The following NARS2 variants were observed in gnomAD, a reference collection of about 807,000 sequenced individuals.
NARS2 encodes the protein asparaginyl-tRNA synthetase 2, mitochondrial, also known as asparaginyl-tRNA synthetase.
In NARS2, 60 loss-of-function variants were observed where a neutral mutation model predicts 62.9. That is an observed-to-expected ratio of 0.95 (90% CI 0.77 to 1.18). The LOEUF (loss-of-function observed/expected upper bound fraction) is 1.18, where lower values mean the gene tolerates loss of function less well. Ranked by LOEUF, NARS2 falls within the 50% of genes most tolerant of loss-of-function variation. The pLI, the probability that NARS2 is intolerant of heterozygous loss-of-function variation, is 0.00. For synonymous variants in NARS2, 196 were observed against 200.0 expected (o/e 0.98, Z 0.17); for missense variants, 619 against 576.4 (o/e 1.07, Z -0.76).
intron 9 of NARS2, among the ~76,000 whole-genome samples, chr11:78,473,883 C>G (rs1231956906): frequency 6.6e-6 from 1 of 152,116 alleles, no homozygotes; most frequent in East Asian, 1.9e-4. Context: ...TATCTTGATT[C>G]TAATTCATTC....
intron 6 of NARS2, among the ~76,000 whole-genome samples, chr11:78,518,207 C>A (rs1208301389): frequency 6.6e-6 from 1 of 152,008 alleles, no homozygotes; most frequent in Non-Finnish European, 1.5e-5. Context: ...TATAAGAAAT[C>A]GAGATTAATT....
chr11:78,492,114 C>CAT, intron 7 of NARS2, among the ~76,000 whole-genome samples: 1 of 149,472 alleles, frequency 6.7e-6, no homozygotes, highest in Middle Eastern at 3.2e-3. Context: ...TATATACAGA[C>CAT]ACACACACAC....
intron 5 of NARS2, among the ~76,000 whole-genome samples, chr11:78,557,812 C>T (rs1856411714): frequency 6.8e-6 from 1 of 147,262 alleles, no homozygotes; most frequent in South Asian, 2.1e-4. Flanking sequence ...TCATATATAT[C>T]TTATATTATA....
chr11:78,447,483 T>A (rs1472208509), intron 11 of NARS2, among the ~76,000 whole-genome samples: 1 of 152,106 alleles, frequency 6.6e-6, no homozygotes, highest in Non-Finnish European at 1.5e-5. Context: ...ACCTCAGCAA[T>A]CCCACTTCTG....
intron 11 of NARS2, among the ~76,000 whole-genome samples, chr11:78,462,985 A>G (rs1006371635): frequency 2.0e-5 from 3 of 152,240 alleles, no homozygotes; most frequent in Non-Finnish European, 4.4e-5. Context: ...TACAACTAAT[A>G]ATATTACATA....
intron 9 of NARS2, among the ~76,000 whole-genome samples, chr11:78,477,964 T>A (rs568236777): frequency 9.2e-5 from 14 of 152,340 alleles, no homozygotes; most frequent in African/African-American, 3.4e-4. Context: ...TGGTTGGTCG[T>A]GTTTCTCTGG....
At chr11:78,537,321 A>G (rs1855394930) in intron 5 of NARS2, among the ~76,000 whole-genome samples, 1 of 152,222 alleles carries the variant, frequency 6.6e-6, no homozygotes, top group South Asian at 2.1e-4. Flanking sequence ...TGTGACCAAG[A>G]GGGAGATAAA....
At chr11:78,471,375 C>A (rs1437677716) in intron 9 of NARS2, among the ~76,000 whole-genome samples, 1 of 152,126 alleles carries the variant, frequency 6.6e-6, no homozygotes, top group African/African-American at 2.4e-5. Flanking sequence ...ATGGGCTCAA[C>A]TGATTCTACC....
intron 4 of NARS2, among the ~76,000 whole-genome samples, chr11:78,565,211 G>C (rs1481727489): frequency 2.6e-5 from 4 of 152,138 alleles, no homozygotes; most frequent in African/African-American, 9.7e-5. Context: ...GAGACAAAAT[G>C]TCCTTAGTCA....
chr11:78,566,553 T>A (rs1177187799), intron 3 of NARS2, among the ~76,000 whole-genome samples: 1 of 152,214 alleles, frequency 6.6e-6, no homozygotes, highest in Non-Finnish European at 1.5e-5. Flanking sequence ...CAAGTTTGTA[T>A]CCATTAGCTG....
At chr11:78,457,019 C>A (rs1452161060) in intron 11 of NARS2, among the ~76,000 whole-genome samples, 2 of 152,186 alleles carry the variant, frequency 1.3e-5, no homozygotes, top group Non-Finnish European at 2.9e-5. Flanking sequence ...GTCACTTAAT[C>A]CAATTCTCTG....
intron 5 of NARS2, among the ~76,000 whole-genome samples, chr11:78,545,739 G>T (rs905883389): frequency 9.9e-5 from 15 of 151,780 alleles, no homozygotes; most frequent in African/African-American, 3.4e-4. Flanking sequence ...CTGTCGTATT[G>T]GCCAGGCTGG....
At chr11:78,549,889 A>G (rs950335235) in intron 5 of NARS2, among the ~76,000 whole-genome samples, 1 of 152,156 alleles carries the variant, frequency 6.6e-6, no homozygotes, top group African/African-American at 2.4e-5. Context: ...TTGTATCTAG[A>G]ATATATAAAA....
intron 7 of NARS2, among the ~76,000 whole-genome samples, chr11:78,481,793 A>G (rs574189904): frequency 4.3e-4 from 65 of 152,308 alleles, no homozygotes; most frequent in Non-Finnish European, 7.4e-4. Flanking sequence ...TAAAGATGCT[A>G]ATTTCCAAGG....
intron 11 of NARS2, among the ~76,000 whole-genome samples, chr11:78,462,916 C>G (rs1393989916): frequency 6.6e-6 from 1 of 152,104 alleles, no homozygotes; most frequent in Non-Finnish European, 1.5e-5. Context: ...AAGCATCAGA[C>G]AGTAAAGTGT....
intron 6 of NARS2, among the ~76,000 whole-genome samples, chr11:78,518,601 TCCGCCTCCTGGGTTC>T (rs899879424): frequency 7.2e-5 from 11 of 151,964 alleles, no homozygotes; most frequent in African/African-American, 2.7e-4. Context: ...CACTGCAAGC[TCCGCCTCCTGGGTTC>T]ACGCCATTCT....
At position 78,551,579 on chromosome 11, in the gene NARS2, G is replaced by A. The variant is rs540322184; in HGVS notation, c.594+7960C>T. ...AAAAACCCTGCTCCAGGCTGGGCGC[G>A]GTGGCTCATGCCTGTAATCCCAGCA... On this transcript the variant is annotated intron_variant, in intron 5 of 13. Coordinates refer to ENST00000281038, the MANE Select transcript of NARS2 (RefSeq NM_024678.6). 2.7e-4 allele frequency among the ~76,000 whole-genome samples: 41 copies of A among 151,982 alleles called. No individual in the cohort carries two copies. In the South Asian group the frequency reaches 3.5e-3, roughly 13 times the overall value.
chr11:78,457,986 T>A (rs1180392609), intron 11 of NARS2, among the ~76,000 whole-genome samples: 3 of 151,698 alleles, frequency 2.0e-5, no homozygotes, highest in Non-Finnish European at 4.4e-5. Flanking sequence ...CTTGGAAGGG[T>A]GGGGAGAGGT....
At chr11:78,455,390 T>TA (rs1285363604) in intron 11 of NARS2, among the ~76,000 whole-genome samples, 7 of 149,862 alleles carry the variant, frequency 4.7e-5, no homozygotes, top group Non-Finnish European at 1.0e-4. Context: ...AAAGTAAACT[T>TA]AAAGTATAAA....
Sources: allele counts gnomAD v4.1 joint callset (sites outside exome capture counted in the v4.1 genomes callset), GRCh38; gene constraint gnomAD v4.1.1; transcripts MANE v1.5; gene names NCBI Gene and HGNC (gene_info 2026-07-23, HGNC 2026-07-21).